TMEM178B: variants seen among roughly 807,000 people sequenced by gnomAD.
TMEM178B encodes transmembrane protein 178B.
In TMEM178B, 5 loss-of-function variants were observed where a neutral mutation model predicts 31.0. The ratio of observed to expected loss-of-function variants is 0.16; its 90% CI spans 0.08 to 0.34. The LOEUF is 0.34. Among genes scored for constraint, TMEM178B ranks in the 10% least tolerant of loss-of-function variants. The pLI, the probability that TMEM178B is intolerant of heterozygous loss-of-function variation, is 1.00. For synonymous variants in TMEM178B, 164 were observed against 164.0 expected, an observed-to-expected ratio of 1.00 and a Z score of 0.00; for missense variants, 275 against 400.3, an observed-to-expected ratio of 0.69 and a Z score of 2.67.
intron 1 of TMEM178B, among the ~76,000 whole-genome samples, chr7:141,152,738 C>T (rs185449763): frequency 1.1e-4 from 16 of 152,356 alleles, no homozygotes; most frequent in Admixed American, 5.9e-4. Flanking sequence ...GGCCTTTCCA[C>T]TGGACAGGCA....
intron 1 of TMEM178B, among the ~76,000 whole-genome samples, chr7:141,105,843 C>T (rs1044626114): frequency 4.6e-5 from 7 of 151,990 alleles, no homozygotes; most frequent in Admixed American, 1.3e-4. Flanking sequence ...GCCTGTAATC[C>T]CAGCTGTTTG....
intron 2 of TMEM178B, among the ~76,000 whole-genome samples, chr7:141,403,907 A>G (rs1274685226): frequency 6.6e-6 from 1 of 152,222 alleles, no homozygotes; most frequent in East Asian, 1.9e-4. Flanking sequence ...TTTGCAGTCC[A>G]TCCTTTGAGT....
chr7:141,191,801 A>G (rs543264271), intron 1 of TMEM178B, among the ~76,000 whole-genome samples: 3 of 152,214 alleles, frequency 2.0e-5, no homozygotes, highest in Non-Finnish European at 2.9e-5. Context: ...GATTTTGCTT[A>G]TGGTAGGTTT....
At chr7:141,488,060 C>T in the TMEM178B span, among the ~76,000 whole-genome samples, 2 of 150,954 alleles carry the variant, frequency 1.3e-5, no homozygotes, top group Non-Finnish European at 2.9e-5. Context: ...TATACTAGAA[C>T]AGTGAAGGGT....
intron 2 of TMEM178B, among the ~76,000 whole-genome samples, chr7:141,259,678 TCTTTA>T (rs2116357428): frequency 6.6e-6 from 1 of 152,306 alleles, no homozygotes; most frequent in African/African-American, 2.4e-5. Flanking sequence ...TCTGCTTAAT[TCTTTA>T]CTTCTCATTT....
intron 2 of TMEM178B, among the ~76,000 whole-genome samples, chr7:141,359,753 G>A (rs1344391847): frequency 1.3e-5 from 2 of 152,144 alleles, no homozygotes; most frequent in African/African-American, 4.8e-5. Context: ...CCTGCCACCT[G>A]TATTAGTCTG....
the TMEM178B span, among the ~76,000 whole-genome samples, chr7:141,496,149 T>G: frequency 6.6e-6 from 1 of 152,290 alleles, no homozygotes; most frequent in East Asian, 1.9e-4. Flanking sequence ...CATGCTCCTA[T>G]GAAGACCTGG....
intron 1 of TMEM178B, among the ~76,000 whole-genome samples, chr7:141,136,587 C>G (rs1795678985): frequency 6.6e-6 from 1 of 152,114 alleles, no homozygotes; most frequent in African/African-American, 2.4e-5. Flanking sequence ...GAAGAGACAA[C>G]CTGTAGAATG....
chr7:141,207,821 A>C (rs150877433), intron 1 of TMEM178B, among the ~76,000 whole-genome samples: 2,044 of 152,140 alleles, frequency 0.013, 44 homozygotes, highest in African/African-American at 0.047. Flanking sequence ...CTTTGGGAGG[A>C]AGAGGTGGAA....
chr7:141,389,537 T>C (rs1212667917), intron 2 of TMEM178B, among the ~76,000 whole-genome samples: 1 of 152,222 alleles, frequency 6.6e-6, no homozygotes, highest in African/African-American at 2.4e-5. Flanking sequence ...GGAAGATTGA[T>C]GGGTGTGGGA....
At chr7:141,227,183 T>G (rs1234472916) in intron 2 of TMEM178B, among the ~76,000 whole-genome samples, 1 of 152,168 alleles carries the variant, frequency 6.6e-6, no homozygotes, top group East Asian at 1.9e-4. Context: ...GCTGGAAGTG[T>G]GGTAAACAAA....
At chr7:141,115,960 C>T (rs1175821480) in intron 1 of TMEM178B, among the ~76,000 whole-genome samples, 2 of 152,074 alleles carry the variant, frequency 1.3e-5, no homozygotes, top group Non-Finnish European at 2.9e-5. Context: ...AATAAAATGA[C>T]AAAACCAATA....
rs543228486 is a variant in TMEM178B at position 141,177,401 on chromosome 7, G to C, written c.383-35190G>C. On this transcript the variant is annotated intron_variant, in intron 1 of 3. Transcript: ENST00000565468. ...TTTTAGAATAAGTGTGATGTGGAGC[G>C]GAGAAGAATGTATATTCTGTTGATT... is the stretch of plus-strand genomic sequence containing the variant. 3.9e-5 allele frequency among the ~76,000 whole-genome samples: 6 copies of C among 152,110 alleles called. No individual in the cohort carries two copies. The South Asian group carries it at 8.3e-4, about 21-fold the overall frequency.
At chr7:141,435,438 C>G (rs1227019720) in intron 2 of TMEM178B, among the ~76,000 whole-genome samples, 4 of 152,080 alleles carry the variant, frequency 2.6e-5, no homozygotes, top group Non-Finnish European at 5.9e-5. Flanking sequence ...GGAGATGATC[C>G]AGATGGGATC....
At chr7:141,090,717 G>A (rs1262570955) in intron 1 of TMEM178B, among the ~76,000 whole-genome samples, 1 of 152,194 alleles carries the variant, frequency 6.6e-6, no homozygotes, top group African/African-American at 2.4e-5. Context: ...ATTACAGAAA[G>A]CATTTGTCCC....
chr7:141,478,576 G>A lies in TMEM178B; in HGVS notation c.*7790G>A, dbSNP rs771775165. On this transcript the variant is annotated 3_prime_UTR_variant, in exon 4 of 4. Transcript: ENST00000565468. ...ACATTTTTTAAAGTCCAAAGAAACA[G>A]CTAAAATCAGTGAAATTAATTTTTA... 3 of 152,104 alleles carry A rather than the reference G, an allele frequency of 2.0e-5. No homozygotes were observed. The highest frequency in any genetic ancestry group is 4.4e-5 in the Non-Finnish European group (3 of 68,028). The allele number at this position is 152,104 out of a possible 1,614,324, so 9.4% of individuals were successfully genotyped here.
rs869132131 is a variant in TMEM178B at position 141,438,696 on chromosome 7, TAAAAAAAAAAAAAAA to T, written c.634+967_634+981del. Among the ~76,000 whole-genome samples, 115 of 29,004 alleles carry T rather than the reference TAAAAAAAAAAAAAAA, an allele frequency of 4.0e-3. 3 individuals are homozygous for T. Among genetic ancestry groups the T allele is most frequent in the African/African-American group, 9.8e-3 (109 of 11,120 alleles). The allele number at this position is 29,004 out of a possible 152,430, so 19.0% of individuals were successfully genotyped here. A position where few individuals can be genotyped will look rare whatever the true frequency, so the allele number is the denominator to read the frequency against. On this transcript the variant is annotated intron_variant, in intron 3 of 3. Coordinates refer to ENST00000565468, the MANE Select transcript of TMEM178B (RefSeq NM_001195278.2). ...CAGCTTGGTAAAACCCCGTCTCTAC[TAAAAAAAAAAAAAAA>T]AAAAAAAAAAAAAAATTAGCCAGGC...
intron 3 of TMEM178B, among the ~76,000 whole-genome samples, chr7:141,459,947 A>G (rs1431960304): frequency 1.2e-5 from 1 of 83,950 alleles, no homozygotes; most frequent in Non-Finnish European, 2.5e-5. Flanking sequence ...ATAGATGGAG[A>G]AAAAAAAAAA....
chr7:141,301,778 C>T (rs1798731253), intron 2 of TMEM178B, among the ~76,000 whole-genome samples: 1 of 152,212 alleles, frequency 6.6e-6, no homozygotes, highest in Non-Finnish European at 1.5e-5. Flanking sequence ...CACCAACAGA[C>T]TGCTTGTGAG....
Sources: gnomAD v4.1 joint callset for allele counts (sites outside exome capture counted in the v4.1 genomes callset) on GRCh38, gnomAD v4.1.1 for gene constraint, MANE v1.5 for transcripts, NCBI Gene and HGNC (gene_info 2026-07-23, HGNC 2026-07-21) for gene names.